Variants in TRIM37 observed in about 807,000 individuals in gnomAD.
The protein encoded by TRIM37 is E3 ubiquitin-protein ligase TRIM37.
In TRIM37, 80 loss-of-function variants were observed where a neutral mutation model predicts 129.8. The observed-to-expected ratio is 0.62, with a 90% confidence interval of 0.51 to 0.74. The LOEUF (loss-of-function observed/expected upper bound fraction) is 0.74. Among genes scored for constraint, TRIM37 ranks in the 30% least tolerant of loss-of-function variants. TRIM37 has a pLI of 0.00. For synonymous variants in TRIM37, 389 were observed against 387.1 expected (o/e 1.00, Z -0.06); for missense variants, 1,054 against 1,176.5 (o/e 0.90, Z 1.52).
chr17:59,089,655 A>C (rs2044110645), intron 3 of TRIM37, among the ~76,000 whole-genome samples: 1 of 152,086 alleles, frequency 6.6e-6, no homozygotes, highest in Non-Finnish European at 1.5e-5. Flanking sequence ...TAAATAAATA[A>C]GTAAAATTTC....
intron 2 of TRIM37, among the ~76,000 whole-genome samples, chr17:59,100,531 ATCT>A (rs1314192477): frequency 6.6e-6 from 1 of 152,214 alleles, no homozygotes; most frequent in Non-Finnish European, 1.5e-5. Context: ...ATGCAAACTT[ATCT>A]TTTTTCTCTT....
At chr17:59,016,349 G>T (rs541594496) in intron 20 of TRIM37, among the ~76,000 whole-genome samples, 1 of 138,670 alleles carries the variant, frequency 7.2e-6, no homozygotes, top group African/African-American at 2.7e-5. Flanking sequence ...AGCCGAGATC[G>T]CACCATTGCA....
At chr17:58,996,120 T>C (rs1167027736), downstream of TRIM37, among the ~76,000 whole-genome samples, 4 of 152,100 alleles carry the variant, frequency 2.6e-5, no homozygotes, top group East Asian at 5.8e-4. Flanking sequence ...TAGGAAATCC[T>C]CACAGACACC....
At chr17:59,021,536 C>A (rs2036603871) in intron 19 of TRIM37, among the ~76,000 whole-genome samples, 4 of 152,106 alleles carry the variant, frequency 2.6e-5, no homozygotes. Context: ...CACAGAAAGA[C>A]AAACTTCACA....
chr17:59,006,243 C>A (rs757036952), intron 22 of TRIM37, among the ~76,000 whole-genome samples: 3 of 152,182 alleles, frequency 2.0e-5, no homozygotes, highest in Middle Eastern at 6.8e-3. Context: ...AATGGCTGGA[C>A]GTCAATGATA....
intron 2 of TRIM37, among the ~76,000 whole-genome samples, chr17:59,099,462 T>C (rs1434035308): frequency 3.3e-5 from 5 of 152,014 alleles, no homozygotes; most frequent in African/African-American, 9.7e-5. Context: ...AGTGATATGG[T>C]TGTATAACAT....
At chr17:59,044,910 G>C (rs2039617169) in intron 16 of TRIM37, among the ~76,000 whole-genome samples, 1 of 152,048 alleles carries the variant, frequency 6.6e-6, no homozygotes, top group Admixed American at 6.6e-5. Context: ...ATGCACACCA[G>C]TAGTCCTAGC....
intron 11 of TRIM37, among the ~76,000 whole-genome samples, chr17:59,062,040 A>G (rs1001609379): frequency 6.6e-6 from 1 of 152,152 alleles, no homozygotes; most frequent in Non-Finnish European, 1.5e-5. Flanking sequence ...AAAAAAAAAA[A>G]AATAATCTGA....
At chr17:59,072,747 C>CAAA (rs34205408) in intron 8 of TRIM37, among the ~76,000 whole-genome samples, 1 of 132,152 alleles carries the variant, frequency 7.6e-6, no homozygotes, top group Non-Finnish European at 1.6e-5. Flanking sequence ...GACTCTGTCT[C>CAAA]AAAAAAAAAA....
At chr17:59,006,419 C>T (rs915424299) in intron 22 of TRIM37, among the ~76,000 whole-genome samples, 2 of 152,138 alleles carry the variant, frequency 1.3e-5, no homozygotes, top group South Asian at 4.1e-4. Flanking sequence ...TCAAGTTGCT[C>T]GAATTTCAGA....
intron 18 of TRIM37, 95 bp downstream of exon 18, chr17:59,031,801 A>G (rs1348004838): frequency 8.0e-7 from 1 of 1,247,298 alleles, no homozygotes; most frequent in East Asian, 2.4e-5. Flanking sequence ...GAAATACACC[A>G]TGTTCCACAC....
At chr17:59,104,253 C>A (rs1283404265) in intron 2 of TRIM37, 40 bp downstream of exon 2, 6 of 1,524,982 alleles carry the variant, frequency 3.9e-6, no homozygotes, top group Middle Eastern at 3.4e-4. Context: ...ACAATATATA[C>A]TATATATACT....
At chr17:58,991,127 A>G (rs924050927) in intron 24 of TRIM37, among the ~76,000 whole-genome samples, 1 of 149,832 alleles carries the variant, frequency 6.7e-6, no homozygotes, top group Non-Finnish European at 1.5e-5. Flanking sequence ...GTGAGCTGAG[A>G]TCGCAGTATT....
At chr17:59,015,871 T>A (rs2035868876) in intron 20 of TRIM37, 72 bp from the exon 21 acceptor site, 1 of 1,486,448 alleles carries the variant, frequency 6.7e-7, no homozygotes, top group African/African-American at 1.4e-5. Context: ...CCCAGCTACT[T>A]GGGAGGTTGA....
At chr17:59,003,645 T>TAAAA (rs71145512) in intron 22 of TRIM37, among the ~76,000 whole-genome samples, 2 of 122,652 alleles carry the variant, frequency 1.6e-5, no homozygotes, top group Admixed American at 8.4e-5. Flanking sequence ...AGAGTCTTAT[T>TAAAA]AAAAAAAAAA....
At chr17:59,061,634 T>G (rs2041502675) in intron 11 of TRIM37, among the ~76,000 whole-genome samples, 1 of 152,074 alleles carries the variant, frequency 6.6e-6, no homozygotes, top group Non-Finnish European at 1.5e-5. Context: ...AATTACTCCC[T>G]CCCTTTTTGT....
chr17:59,065,041 ACT>A (rs760588835), intron 9 of TRIM37, among the ~76,000 whole-genome samples: 12 of 152,130 alleles, frequency 7.9e-5, no homozygotes, highest in East Asian at 1.9e-4. Flanking sequence ...ACAGAGCCAG[ACT>A]CTGTCTCAGT....
At chr17:58,988,256 A>G (rs1394433032) in intron 24 of TRIM37, among the ~76,000 whole-genome samples, 2 of 152,162 alleles carry the variant, frequency 1.3e-5, no homozygotes, top group Non-Finnish European at 1.5e-5. Flanking sequence ...TACAATCTCT[A>G]CCAGGGGCTC....
chr17:58,979,538 G>T (rs1219511590), downstream of TRIM37, among the ~76,000 whole-genome samples: 1 of 152,182 alleles, frequency 6.6e-6, no homozygotes, highest in Non-Finnish European at 1.5e-5. Flanking sequence ...GCTTTGGTTT[G>T]CTTCTTTCAA....
Sources: gnomAD v4.1 joint callset for allele counts (sites outside exome capture counted in the v4.1 genomes callset) on GRCh38, gnomAD v4.1.1 for gene constraint, MANE v1.5 for transcripts, NCBI Gene and HGNC (gene_info 2026-07-23, HGNC 2026-07-21) for gene names.